DHRS4: variants seen among roughly 807,000 people sequenced by gnomAD.
The protein encoded by DHRS4 is dehydrogenase/reductase SDR family member 4.
DHRS4 carries 20 observed loss-of-function variants against 28.4 expected under a neutral mutation model. That is an observed-to-expected ratio of 0.71 (90% confidence interval 0.50 to 1.02). DHRS4 has a LOEUF of 1.02. DHRS4 is among the 50% of genes least tolerant of loss of function. DHRS4 has a pLI of 0.00. For missense variants in DHRS4, 378 were observed against 367.2 expected, an observed-to-expected ratio of 1.03 and a Z score of -0.24; for synonymous variants, 144 against 146.4, an observed-to-expected ratio of 0.98 and a Z score of 0.12.
In DHRS4 at chr14:23,960,022, A is replaced by AG. The variant is rs755057689; in HGVS notation, c.408+25dup. 7.8e-6 allele frequency: 9 copies of AG among 1,152,454 alleles called. No individual in the cohort carries two copies. Among genetic ancestry groups the AG allele is most frequent in the Admixed American group, 1.9e-5 (1 of 51,464 alleles). The allele number at this position is 1,152,454 out of a possible 1,614,324, so 71.4% of individuals were successfully genotyped here. A position where few individuals can be genotyped will look rare whatever the true frequency, so the allele number is the denominator to read the frequency against. On this transcript the variant is annotated intron_variant, in intron 3 of 7. Transcript: ENST00000313250. ...GGACAAGGTGAGAGGGGATTAAAGC[A>AG]GGGGGGCCGGGGGGGGCGCCTTGGA...
intron 2 of DHRS4, among the ~76,000 whole-genome samples, chr14:23,955,533 C>T (rs925925328): frequency 7.2e-5 from 11 of 152,112 alleles, no homozygotes; most frequent in Non-Finnish European, 1.0e-4. Flanking sequence ...TAAACATTCC[C>T]CTCTTCTTCA....
In DHRS4 at chr14:23,959,930, T is replaced by C; in HGVS notation, c.335T>C (p.Ile112Thr). ...TAVKLHGGIDILVSNAAVNPF... is the reference protein window; with the variant it reads ...TAVKLHGGIDTLVSNAAVNPF... Reference sequence around the variant, plus strand: ...GTGAAGCTTCATGGAGGTATCGATATCCTAGTCTCCAATGCTGCTGTCAAC... The same window carrying C: ...GTGAAGCTTCATGGAGGTATCGATACCCTAGTCTCCAATGCTGCTGTCAAC... The change falls in exon 3 of 8, where the codon ATC (isoleucine) becomes ACC (threonine). Residue 112 changes from isoleucine to threonine, a missense_variant. Ile to Thr is a moderately conservative substitution (Grantham distance 89). Transcript: ENST00000313250. 1.2e-6 allele frequency: 2 copies of C among 1,612,520 alleles called. No homozygotes were observed. The highest frequency in any genetic ancestry group is 8.5e-7 in the Non-Finnish European group (1 of 1,179,924).
intron 3 of DHRS4, among the ~76,000 whole-genome samples, chr14:23,962,472 G>A (rs1300180015): frequency 6.6e-6 from 1 of 151,362 alleles, no homozygotes; most frequent in African/African-American, 2.4e-5. Flanking sequence ...ATCTTCACCA[G>A]AAATAGATTC....
intron 1 of DHRS4, 103 bp downstream of exon 1, chr14:23,954,019 T>G (rs2032967959): frequency 6.7e-7 from 1 of 1,487,850 alleles, no homozygotes; most frequent in Non-Finnish European, 8.9e-7. Context: ...CCTTACACGC[T>G]GCCAAAGTCT....
intron 3 of DHRS4, among the ~76,000 whole-genome samples, chr14:23,962,849 AT>A (rs1338374687): frequency 6.7e-6 from 1 of 149,396 alleles, no homozygotes; most frequent in East Asian, 1.9e-4. Context: ...TACAAAATGT[AT>A]TTCTTAAATA....
rs376464477 is a variant in DHRS4, at chr14:23,955,601, T to TTA, written c.306+390_306+391dup. On this transcript the variant is annotated intron_variant, in intron 2 of 7. Coordinates refer to ENST00000313250, the MANE Select transcript of DHRS4 (RefSeq NM_021004.4). Reference sequence around the variant, plus strand: ...AAGCAGCCCACCATGTTTCAGCCACTTACTATGTGCCATTTCCTGTGTTCA... The same window carrying TTA: ...AAGCAGCCCACCATGTTTCAGCCACTTATACTATGTGCCATTTCCTGTGTTCA... 3.8e-3 allele frequency among the ~76,000 whole-genome samples: 571 copies of TTA among 152,176 alleles called. 5 individuals carry two copies. Among genetic ancestry groups the TTA allele is most frequent in the African/African-American group, 0.013 (547 of 41,494 alleles).
chr14:23,968,629 C>T, intron 7 of DHRS4, 128 bp from the exon 8 acceptor site: 2 of 1,506,932 alleles, frequency 1.3e-6, no homozygotes, highest in South Asian at 1.2e-5. Context: ...AGGCAGAAAG[C>T]TTGTACACTG....
chr14:23,966,940 G>A (rs1483946444), intron 6 of DHRS4, among the ~76,000 whole-genome samples: 2 of 152,234 alleles, frequency 1.3e-5, no homozygotes, highest in Non-Finnish European at 2.9e-5. Context: ...CAGATCACGA[G>A]GTCAGGAGGT....
At chr14:23,957,472 A>G (rs1474490976) in intron 2 of DHRS4, among the ~76,000 whole-genome samples, 2 of 151,968 alleles carry the variant, frequency 1.3e-5, no homozygotes, top group Non-Finnish European at 2.9e-5. Context: ...TTAAAAATGT[A>G]TAACTATCAG....
At position 23,966,399 on chromosome 14, in the gene DHRS4, G is replaced by A; in HGVS notation, c.648G>A (p.Lys216=). 1.9e-6 allele frequency: 3 copies of A among 1,613,920 alleles called. No homozygotes were observed. Among genetic ancestry groups the A allele is most frequent in the Non-Finnish European group, 2.5e-6 (3 of 1,179,982 alleles). The change falls in exon 6 of 8, where the codon AAG becomes AAA. Residue 216 remains lysine, a synonymous_variant. Transcript: ENST00000313250. The stretch of plus-strand genomic sequence containing the variant: ...ACTGCCTAGCACCTGGACTTATCAA[G>A]ACTAGCTTCAGCAGGATGGTGAGGA... The part of the protein sequence containing the change: ...RVNCLAPGLI[K]TSFSRMLWMD...
chr14:23,967,280 A>C lies in DHRS4; in HGVS notation c.722+14A>C, dbSNP rs112250322. On this transcript the variant is annotated intron_variant, in intron 7 of 7. Coordinates refer to ENST00000313250, the MANE Select transcript of DHRS4 (RefSeq NM_021004.4). Reference sequence around the variant, plus strand: ...GCGGATAAGAAGGTAAACTGTCATGAGGGCAAGGGCACTAAGAGACATGAA... The same window carrying C: ...GCGGATAAGAAGGTAAACTGTCATGCGGGCAAGGGCACTAAGAGACATGAA... The C allele has an allele frequency of 2.9e-4, 470 of 1,609,582 alleles. No homozygotes were observed. In the South Asian group the frequency reaches 3.5e-3, roughly 12 times the overall value.
At chr14:23,968,662 A>C in intron 7 of DHRS4, 95 bp from the exon 8 acceptor site, 1 of 1,550,660 alleles carries the variant, frequency 6.4e-7, no homozygotes, top group Non-Finnish European at 8.7e-7. Flanking sequence ...CCATCTGATA[A>C]TTCTTGATTA....
intron 1 of DHRS4, 126 bp from the exon 2 acceptor site, chr14:23,954,909 C>A: frequency 1.4e-6 from 2 of 1,475,000 alleles, no homozygotes; most frequent in Non-Finnish European, 1.8e-6. Context: ...ACATAGTAGG[C>A]ACACGTAGGG....
chr14:23,959,786 C>T (rs28373485), intron 2 of DHRS4, 116 bp from the exon 3 acceptor site: 339,099 of 1,241,078 alleles, frequency 0.27, 40,303 homozygotes, highest in Admixed American at 0.41. Context: ...CCCAAAGTGC[C>T]ATGATTACAG....
chr14:23,964,220 T>TAAAAAAAAAAAA (rs71119059), intron 3 of DHRS4, among the ~76,000 whole-genome samples: 7 of 34,502 alleles, frequency 2.0e-4, no homozygotes, highest in Admixed American at 3.9e-4. Context: ...CTGCAATTTG[T>TAAAAAAAAAAAA]AAAAAAAAAA....
At chr14:23,963,803 C>T (rs1594430344) in intron 3 of DHRS4, among the ~76,000 whole-genome samples, 1 of 148,908 alleles carries the variant, frequency 6.7e-6, no homozygotes, top group Non-Finnish European at 1.5e-5. Context: ...CCTCACTAAG[C>T]TTAATTGTTT....
chr14:23,954,619 A>T (rs755635276), intron 1 of DHRS4, among the ~76,000 whole-genome samples: 3 of 152,250 alleles, frequency 2.0e-5, no homozygotes, highest in Non-Finnish European at 2.9e-5. Context: ...GCACCCCAAA[A>T]AATAACTAAG....
At chr14:23,956,433 G>A (rs543754185) in intron 2 of DHRS4, among the ~76,000 whole-genome samples, 1 of 152,242 alleles carries the variant, frequency 6.6e-6, no homozygotes, top group East Asian at 1.9e-4. Context: ...ATGGACAGAT[G>A]GAATAGTGAT....
rs2033617848 is a variant in DHRS4, at chr14:23,966,336, C to T, written c.585C>T (p.Thr195=). ...SKTALLGLTK[T]LAIELAPRNI... is the part of the protein sequence containing the mutation. ...CAGCCTTGCTGGGCCTGACCAAGACCCTGGCCATAGAGCTGGCCCCAAGGA... is the reference window on the plus strand; with the variant it reads ...CAGCCTTGCTGGGCCTGACCAAGACTCTGGCCATAGAGCTGGCCCCAAGGA... The change falls in exon 6 of 8, where the codon ACC becomes ACT. Residue 195 remains threonine, a synonymous_variant. Coordinates refer to ENST00000313250, the MANE Select transcript of DHRS4 (RefSeq NM_021004.4). 1 of 1,614,050 alleles carries T rather than the reference C, an allele frequency of 6.2e-7. No homozygotes were observed. Among genetic ancestry groups the T allele is most frequent in the Non-Finnish European group, 8.5e-7 (1 of 1,180,032 alleles).
Sources: allele counts gnomAD v4.1 joint callset (sites outside exome capture counted in the v4.1 genomes callset), GRCh38; gene constraint gnomAD v4.1.1; transcripts MANE v1.5; gene names NCBI Gene and HGNC (gene_info 2026-07-23, HGNC 2026-07-21).